Variants in LGSN observed in about 807,000 individuals in gnomAD.
The protein encoded by LGSN is lengsin.
LGSN carries 21 observed loss-of-function variants against 19.5 expected under a neutral mutation model. The observed-to-expected ratio is 1.07, with a 90% CI of 0.76 to 1.55. LGSN has a LOEUF of 1.55. Among genes scored for constraint, LGSN ranks in the 40% most tolerant of loss-of-function variants. The pLI is 0.00. For missense variants in LGSN, 673 were observed against 608.5 expected, an observed-to-expected ratio of 1.11 and a Z score of -1.12; for synonymous variants, 257 against 215.6, an observed-to-expected ratio of 1.19 and a Z score of -1.68.
chr6:63,290,516 A>G (rs1007726852), intron 2 of LGSN, among the ~76,000 whole-genome samples: 3 of 152,206 alleles, frequency 2.0e-5, no homozygotes, highest in Non-Finnish European at 4.4e-5. Context: ...GCACTTCACT[A>G]TTAGAAAATT....
chr6:63,488,069 C>G, the LGSN span, among the ~76,000 whole-genome samples: 1 of 151,940 alleles, frequency 6.6e-6, no homozygotes, highest in Non-Finnish European at 1.5e-5. Context: ...ATCAGCTAAC[C>G]AATACTGCAC....
the LGSN span, among the ~76,000 whole-genome samples, chr6:63,494,833 T>A: frequency 5.9e-5 from 9 of 152,212 alleles, no homozygotes; most frequent in Non-Finnish European, 1.3e-4. Flanking sequence ...ATTTAGAGTG[T>A]GATGACAAAT....
chr6:63,426,206 A>G, the LGSN span, among the ~76,000 whole-genome samples: 4 of 152,214 alleles, frequency 2.6e-5, no homozygotes, highest in African/African-American at 9.6e-5. Flanking sequence ...GTATTTCATA[A>G]AAGATATTAA....
At chr6:63,556,290 C>T in the LGSN span, among the ~76,000 whole-genome samples, 2 of 151,982 alleles carry the variant, frequency 1.3e-5, no homozygotes, top group African/African-American at 4.8e-5. Flanking sequence ...TCCAGAGTAG[C>T]TAGGAATACA....
the LGSN span, among the ~76,000 whole-genome samples, chr6:63,523,399 TG>T: frequency 2.0e-5 from 3 of 152,018 alleles, no homozygotes. Context: ...CCAGGCATGA[TG>T]GGGCATGCCT....
chr6:63,549,149 CT>C, the LGSN span: 2 of 685,848 alleles, frequency 2.9e-6, no homozygotes. Flanking sequence ...CAGCAGCTTT[CT>C]TTTTGGCCAG....
the LGSN span, among the ~76,000 whole-genome samples, chr6:63,403,067 A>T: frequency 1.3e-5 from 2 of 151,046 alleles, no homozygotes; most frequent in Non-Finnish European, 2.9e-5. Flanking sequence ...AAATTTATAT[A>T]GAGATAGATA....
chr6:63,547,495 G>T, the LGSN span, among the ~76,000 whole-genome samples: 3 of 149,448 alleles, frequency 2.0e-5, no homozygotes, highest in South Asian at 6.3e-4. Flanking sequence ...CGGCCAGGGG[G>T]GAATTTTTTT....
At chr6:63,475,297 T>TA in the LGSN span, among the ~76,000 whole-genome samples, 28 of 109,996 alleles carry the variant, frequency 2.5e-4, no homozygotes, top group African/African-American at 8.8e-4. Context: ...ACTTCTGCTT[T>TA]AAATGAATAG....
At chr6:63,541,724 C>T in the LGSN span, among the ~76,000 whole-genome samples, 1 of 152,088 alleles carries the variant, frequency 6.6e-6, no homozygotes, top group Non-Finnish European at 1.5e-5. Context: ...CCATCCAACT[C>T]CATTAAAAAA....
chr6:63,571,750 A>G, the LGSN span: 7 of 152,176 alleles, frequency 4.6e-5, no homozygotes, highest in African/African-American at 1.7e-4. Context: ...TAGTATAGAG[A>G]GGTGTGATCA....
chr6:63,379,845 C>CT, the LGSN span, among the ~76,000 whole-genome samples: 7,742 of 150,604 alleles, frequency 0.051, 325 homozygotes, highest in Non-Finnish European at 0.076. Flanking sequence ...TAATTTTTTT[C>CT]TTTTTTTTTG....
At chr6:63,536,913 A>C in the LGSN span, among the ~76,000 whole-genome samples, 1 of 152,136 alleles carries the variant, frequency 6.6e-6, no homozygotes, top group Non-Finnish European at 1.5e-5. Context: ...TCAAAGCAAA[A>C]AGCTCTATGA....
chr6:63,446,264 A>AC, the LGSN span, among the ~76,000 whole-genome samples: 2 of 150,572 alleles, frequency 1.3e-5, no homozygotes, highest in Admixed American at 6.6e-5. Flanking sequence ...AAAAAAAAAA[A>AC]CGAACAGTGT....
chr6:63,359,380 A>G, the LGSN span, among the ~76,000 whole-genome samples: 1 of 152,080 alleles, frequency 6.6e-6, no homozygotes, highest in Non-Finnish European at 1.5e-5. Flanking sequence ...GTCTTTTTCT[A>G]TTGATTGGAA....
At chr6:63,404,617 G>C in the LGSN span, among the ~76,000 whole-genome samples, 4 of 151,950 alleles carry the variant, frequency 2.6e-5, no homozygotes, top group Non-Finnish European at 5.9e-5. Flanking sequence ...TAGAGCAAAA[G>C]AGTCAAACAA....
At chr6:63,283,878 T>C (rs2127382627) in intron 3 of LGSN, among the ~76,000 whole-genome samples, 1 of 152,120 alleles carries the variant, frequency 6.6e-6, no homozygotes, top group Middle Eastern at 3.4e-3. Context: ...TTTTGTATTT[T>C]TAGTAGAGAT....
chr6:63,382,076 A>G, the LGSN span, among the ~76,000 whole-genome samples: 2 of 152,224 alleles, frequency 1.3e-5, no homozygotes, highest in South Asian at 4.1e-4. Context: ...TTCAATCATT[A>G]AGGCTTCTCA....
chr6:63,299,996 C>T (rs181202524), intron 1 of LGSN, among the ~76,000 whole-genome samples: 4 of 152,320 alleles, frequency 2.6e-5, no homozygotes, highest in Admixed American at 2.6e-4. Flanking sequence ...TTTCACACAT[C>T]TTACTGTGAG....
Sources: allele counts gnomAD v4.1 joint callset (sites outside exome capture counted in the v4.1 genomes callset), GRCh38; gene constraint gnomAD v4.1.1; transcripts MANE v1.5; gene names NCBI Gene and HGNC (gene_info 2026-07-23, HGNC 2026-07-21).